Variants in TFPI observed in about 807,000 individuals in gnomAD.
The protein encoded by TFPI is tissue factor pathway inhibitor.
In TFPI, 15 loss-of-function variants were observed where a neutral mutation model predicts 34.6. The observed-to-expected ratio is 0.43, with a 90% CI of 0.29 to 0.67. TFPI has a LOEUF of 0.67. TFPI is among the 30% of genes least tolerant of loss of function. TFPI has a pLI of 0.15. For missense variants in TFPI, 301 were observed against 364.0 expected, an observed-to-expected ratio of 0.83 and a Z score of 1.41; for synonymous variants, 105 against 120.1, an observed-to-expected ratio of 0.87 and a Z score of 0.82.
At chr2:187,543,307 A>G (rs1306849246) in intron 1 of TFPI, among the ~76,000 whole-genome samples, 2 of 152,254 alleles carry the variant, frequency 1.3e-5, no homozygotes, top group Non-Finnish European at 2.9e-5. Context: ...TGGCACATCC[A>G]TCTACCGAAT....
rs1686005010 is a variant in TFPI at position 187,503,679 on chromosome 2, A to C, written c.90T>G (p.Ser30=). Residue 30 remains serine (S), a synonymous_variant, in exon 2 of 8, where the codon TCT becomes TCG. Transcript: ENST00000233156. ...TAATTGTGTGTTCTTCATCTTCCTC[A>C]GAATCAGCATTAAGAGGGGCAGGGG... The part of the protein sequence containing the change: ...NLAPAPLNAD[S]EEDEEHTIIT... 1 of 1,613,152 alleles carries C rather than the reference A, an allele frequency of 6.2e-7. No individual in the cohort carries two copies. Among genetic ancestry groups the C allele is most frequent in the Non-Finnish European group, 8.5e-7 (1 of 1,179,328 alleles).
intron 4 of TFPI, among the ~76,000 whole-genome samples, chr2:187,485,208 G>GAATT (rs1263396280): frequency 1.3e-5 from 2 of 151,558 alleles, no homozygotes; most frequent in Non-Finnish European, 3.0e-5. Flanking sequence ...AATTAATAGG[G>GAATT]AATTAACTGT....
At chr2:187,480,898 G>T (rs534659521) in intron 6 of TFPI, among the ~76,000 whole-genome samples, 404 of 152,078 alleles carry the variant, frequency 2.7e-3, no homozygotes, top group Non-Finnish European at 5.1e-3. Context: ...AAGTATTCAA[G>T]TATCTCGAAT....
rs749018961 is a variant in TFPI at position 187,467,052 on chromosome 2, GA to G, written c.809-11del. The G allele has an allele frequency of 2.7e-6, 4 of 1,479,170 alleles. No individual in the cohort carries two copies. The Admixed American group carries it at 7.9e-5, about 29-fold the overall frequency. The allele number at this position is 1,479,170 out of a possible 1,614,324, so 91.6% of individuals were successfully genotyped here. A position where few individuals can be genotyped will look rare whatever the true frequency, so the allele number is the denominator to read the frequency against. On this transcript the variant is annotated splice_polypyrimidine_tract_variant and intron_variant, in intron 7 of 7. Transcript: ENST00000233156. ...ATTCTTTGGATGAAACCTATAAGAG[GA>G]AGAGGAATAAATTAATGTGTGATAA...
chr2:187,521,155 A>G (rs1287267218), intron 1 of TFPI, among the ~76,000 whole-genome samples: 2 of 152,116 alleles, frequency 1.3e-5, no homozygotes, highest in African/African-American at 4.8e-5. Context: ...TTAAAGGAAT[A>G]TATGTGTATA....
chr2:187,525,825 C>T (rs1264213318), intron 1 of TFPI, among the ~76,000 whole-genome samples: 1 of 151,338 alleles, frequency 6.6e-6, no homozygotes, highest in Non-Finnish European at 1.5e-5. Flanking sequence ...CCTCCAGGAC[C>T]ATGAGGAAAT....
At chr2:187,502,391 G>A (rs904146960) in intron 2 of TFPI, among the ~76,000 whole-genome samples, 1 of 152,092 alleles carries the variant, frequency 6.6e-6, no homozygotes, top group Non-Finnish European at 1.5e-5. Context: ...AAGTGAGATT[G>A]CCTGTTTTTT....
intron 3 of TFPI, among the ~76,000 whole-genome samples, 198 bp downstream of exon 3, chr2:187,496,683 A>G (rs192164108): frequency 3.0e-4 from 45 of 152,196 alleles, no homozygotes; most frequent in Non-Finnish European, 3.7e-4. Context: ...AAATGTGGGT[A>G]TTTCATGGTA....
intron 4 of TFPI, among the ~76,000 whole-genome samples, chr2:187,485,766 A>G (rs541038276): frequency 6.6e-5 from 10 of 151,846 alleles, no homozygotes; most frequent in African/African-American, 2.4e-4. Context: ...ATGCACTGTG[A>G]AAAGAAGTGA....
chr2:187,497,450 T>A (rs932192258), intron 2 of TFPI, among the ~76,000 whole-genome samples: 1 of 151,998 alleles, frequency 6.6e-6, no homozygotes, highest in African/African-American at 2.4e-5. Context: ...TTTTTACACA[T>A]AAAACAACCC....
intron 1 of TFPI, among the ~76,000 whole-genome samples, chr2:187,512,514 T>C (rs1191963740): frequency 3.7e-5 from 5 of 134,244 alleles, no homozygotes; most frequent in South Asian, 2.4e-4. Context: ...TCCTGGGTAA[T>C]TGAAGGAAAA....
intron 1 of TFPI, among the ~76,000 whole-genome samples, chr2:187,550,912 G>A (rs752661070): frequency 4.6e-5 from 7 of 152,086 alleles, no homozygotes; most frequent in Non-Finnish European, 8.8e-5. Context: ...GCTTACAGAT[G>A]AATTATCATA....
intron 1 of TFPI, chr2:187,514,692 C>G (rs1227577508): frequency 6.6e-6 from 1 of 152,202 alleles, no homozygotes; most frequent in African/African-American, 2.4e-5. Flanking sequence ...GTGCTTTAGT[C>G]CAGTTGGCTA....
intron 1 of TFPI, among the ~76,000 whole-genome samples, chr2:187,504,523 C>T (rs1041942699): frequency 1.3e-5 from 2 of 148,870 alleles, no homozygotes; most frequent in Non-Finnish European, 3.0e-5. Context: ...GAGAGTGAGA[C>T]TTTTCCTGTT....
chr2:187,507,503 T>G (rs893730315), intron 1 of TFPI, among the ~76,000 whole-genome samples: 2 of 152,142 alleles, frequency 1.3e-5, no homozygotes, highest in Non-Finnish European at 2.9e-5. Context: ...ATAAAAGAGT[T>G]TTTATTTCTC....
chr2:187,534,051 A>C (rs777974904), intron 1 of TFPI, among the ~76,000 whole-genome samples: 1 of 152,222 alleles, frequency 6.6e-6, no homozygotes, highest in Non-Finnish European at 1.5e-5. Context: ...GAAAGCCTCC[A>C]AGAAATATGA....
chr2:187,482,416 T>C (rs1692936997), intron 6 of TFPI, among the ~76,000 whole-genome samples: 1 of 151,994 alleles, frequency 6.6e-6, no homozygotes, highest in Admixed American at 6.6e-5. Context: ...AATGCAACGA[T>C]AGTACTTAAT....
chr2:187,467,104 A>G, intron 7 of TFPI, 62 bp from the exon 8 acceptor site: 1 of 1,108,964 alleles, frequency 9.0e-7, no homozygotes, highest in South Asian at 1.5e-5. Context: ...TGTTTTATCT[A>G]AAATCTTCTC....
At chr2:187,544,206 A>G (rs1343084852) in intron 1 of TFPI, among the ~76,000 whole-genome samples, 1 of 152,164 alleles carries the variant, frequency 6.6e-6, no homozygotes, top group Non-Finnish European at 1.5e-5. Flanking sequence ...TGCTTAGGGG[A>G]TGAGAGGATA....
Sources: gnomAD v4.1 joint callset for allele counts (sites outside exome capture counted in the v4.1 genomes callset) on GRCh38, gnomAD v4.1.1 for gene constraint, MANE v1.5 for transcripts, NCBI Gene and HGNC (gene_info 2026-07-23, HGNC 2026-07-21) for gene names.